The following CCDC50 variants were observed in gnomAD, a reference collection of about 807,000 sequenced individuals.
CCDC50 encodes coiled-coil domain containing 50.
CCDC50 carries 54 observed loss-of-function variants against 70.2 expected under a neutral mutation model. The observed-to-expected ratio is 0.77, with a 90% CI of 0.62 to 0.96. CCDC50 has a LOEUF of 0.96. Among genes scored for constraint, CCDC50 ranks in the 50% least tolerant of loss-of-function variants. The pLI, the probability that CCDC50 is intolerant of heterozygous loss-of-function variation, is 0.00. For synonymous variants in CCDC50, 216 were observed against 198.8 expected, an observed-to-expected ratio of 1.09 and a Z score of -0.73; for missense variants, 558 against 578.7, an observed-to-expected ratio of 0.96 and a Z score of 0.37.
chr3:191,366,191 A>G (rs1712682897), intron 4 of CCDC50, among the ~76,000 whole-genome samples: 1 of 152,170 alleles, frequency 6.6e-6, no homozygotes, highest in Non-Finnish European at 1.5e-5. Context: ...AAGAACGTTA[A>G]TGATATTTAT....
At chr3:191,333,344 C>A (rs753867668) in intron 1 of CCDC50, among the ~76,000 whole-genome samples, 1 of 152,112 alleles carries the variant, frequency 6.6e-6, no homozygotes, top group Admixed American at 6.5e-5. Flanking sequence ...AAGTTAATGG[C>A]GTACATCCAG....
chr3:191,336,259 C>T (rs1225635689), intron 1 of CCDC50, among the ~76,000 whole-genome samples: 1 of 151,806 alleles, frequency 6.6e-6, no homozygotes, highest in Non-Finnish European at 1.5e-5. Context: ...ATGGCTGTAC[C>T]ATTTTGTATT....
In CCDC50 at chr3:191,380,966, A is replaced by G. The variant is rs886567173; in HGVS notation, c.1242+34A>G. On this transcript the variant is annotated intron_variant, in intron 9 of 11. Transcript: ENST00000392455. The stretch of plus-strand genomic sequence containing the variant: ...TGTTTTGTTTGTTTTCTAATTAGAA[A>G]TAAAATTAGAAATGAAAAGGGGACT... The G allele has an allele frequency of 9.1e-6, 14 of 1,538,856 alleles. No homozygotes were observed. In the Admixed American group the frequency reaches 2.1e-4, roughly 23 times the overall value.
At chr3:191,358,983 T>C (rs1192845702) in intron 3 of CCDC50, among the ~76,000 whole-genome samples, 2 of 152,232 alleles carry the variant, frequency 1.3e-5, no homozygotes, top group African/African-American at 4.8e-5. Context: ...AATCATTTTG[T>C]TAAGCTTCCC....
Position 191,369,996 on chromosome 3 carries a change from A to AG in CCDC50, c.408_409insG (p.Thr137AspfsTer7). 5 of 1,613,312 alleles carry AG rather than the reference A, an allele frequency of 3.1e-6. No individual in the cohort carries two copies. The highest frequency in any genetic ancestry group is 4.2e-6 in the Non-Finnish European group (5 of 1,179,412). On this transcript the variant is annotated frameshift_variant, in exon 5 of 12. Coordinates refer to ENST00000392455, the MANE Select transcript of CCDC50 (RefSeq NM_178335.3). LOFTEE classifies it high-confidence loss of function. ...AGAAACACTTTCCAGAGTTCCCTGCAACCCGTGCTTATGCAGATAGTTACT... is the reference window on the plus strand; with the variant it reads ...AGAAACACTTTCCAGAGTTCCCTGCAGACCCGTGCTTATGCAGATAGTTACT...
At chr3:191,333,849 AT>A (rs1269896551) in intron 1 of CCDC50, among the ~76,000 whole-genome samples, 1 of 152,172 alleles carries the variant, frequency 6.6e-6, no homozygotes, top group African/African-American at 2.4e-5. Flanking sequence ...CCAGCATTAA[AT>A]TTATAAAAAC....
At chr3:191,339,085 T>G (rs77130330) in intron 1 of CCDC50, among the ~76,000 whole-genome samples, 2,069 of 152,284 alleles carry the variant, frequency 0.014, 57 homozygotes, top group African/African-American at 0.047. Context: ...AAATTCTTGA[T>G]ATAAGGGGAG....
intron 4 of CCDC50, among the ~76,000 whole-genome samples, chr3:191,366,756 G>T (rs915807830): frequency 6.6e-6 from 1 of 151,944 alleles, no homozygotes; most frequent in Non-Finnish European, 1.5e-5. Flanking sequence ...CTATTGAAAG[G>T]TGTGTTTTTT....
Position 191,395,628 on chromosome 3 carries a change from C to T in CCDC50, c.*3868C>T, listed in dbSNP as rs1471885747. The T allele has an allele frequency of 6.6e-6, 1 of 152,106 alleles. No homozygotes were observed. Among genetic ancestry groups the T allele is most frequent in the African/African-American group, 2.4e-5 (1 of 41,438 alleles). The allele number at this position is 152,106 out of a possible 1,614,324, so 9.4% of individuals were successfully genotyped here. On this transcript the variant is annotated 3_prime_UTR_variant, in exon 12 of 12. Coordinates refer to ENST00000392455, the MANE Select transcript of CCDC50 (RefSeq NM_178335.3). ...ACTGATAATAGAATAGAACTTGCAG[C>T]CAAAGGCTTTTTCCCTTTTGAGAAG...
rs3048757 is a variant in CCDC50 at position 191,397,677 on chromosome 3, TGAGAGA to T, written c.*5922_*5927del. 6.6e-6 allele frequency: 1 copy of T among 151,998 alleles called. No homozygotes were observed. Among genetic ancestry groups the T allele is most frequent in the Non-Finnish European group, 1.5e-5 (1 of 68,020 alleles). The allele number at this position is 151,998 out of a possible 1,614,324, so 9.4% of individuals were successfully genotyped here. ...CTCATAATTTAGAAACGTGATCTCT[TGAGAGA>T]GAGACTACGCATTGCCTGGGCACTT... On this transcript the variant is annotated 3_prime_UTR_variant, in exon 12 of 12. Transcript: ENST00000392455.
chr3:191,396,739 C>T lies in CCDC50; in HGVS notation c.*4979C>T, dbSNP rs1283016173. On this transcript the variant is annotated 3_prime_UTR_variant, in exon 12 of 12. Coordinates refer to ENST00000392455, the MANE Select transcript of CCDC50 (RefSeq NM_178335.3). ...TGTGAAGAGTGTTTCTGTTTTATTA[C>T]TTATAAGAGAAAAGCAGGAAAACTT... is the stretch of plus-strand genomic sequence containing the variant. The T allele has an allele frequency of 1.3e-5, 2 of 152,116 alleles. No homozygotes were observed. The highest frequency in any genetic ancestry group is 2.9e-5 in the Non-Finnish European group (2 of 68,004). 9.4% of individuals were successfully genotyped at this position (152,116 alleles called of 1,614,324 possible).
rs1712094627 is a variant in CCDC50, at chr3:191,351,155, A to G, written c.50-5933A>G. 2.8e-5 allele frequency among the ~76,000 whole-genome samples: 4 copies of G among 142,488 alleles called. No homozygotes were observed. The South Asian group carries it at 8.8e-4, about 31-fold the overall frequency. The allele number at this position is 142,488 out of a possible 152,430, so 93.5% of individuals were successfully genotyped here. A position where few individuals can be genotyped will look rare whatever the true frequency, so the allele number is the denominator to read the frequency against. On this transcript the variant is annotated intron_variant, in intron 1 of 11. Coordinates refer to ENST00000392455, the MANE Select transcript of CCDC50 (RefSeq NM_178335.3). ...TTTTGTTTCTGAGTGAGAAGGAGAG[A>G]AACTTGCTGTAAATGAGCTTTTTAA...
intron 1 of CCDC50, among the ~76,000 whole-genome samples, chr3:191,331,274 T>C (rs1017780938): frequency 1.3e-5 from 2 of 152,214 alleles, no homozygotes; most frequent in Admixed American, 6.5e-5. Context: ...GCTATGATTT[T>C]ATCCAATCCC....
At position 191,358,054 on chromosome 3, in the gene CCDC50, C is replaced by T. The variant is rs779599511; in HGVS notation, c.169C>T (p.Gln57Ter). ...GAACCGTTTGGTCCAGCATGATCTCCAGGTGGCTAAGCAGCTCCAAGAGGA... is the reference window on the plus strand; with the variant it reads ...GAACCGTTTGGTCCAGCATGATCTCTAGGTGGCTAAGCAGCTCCAAGAGGA... The part of the protein sequence containing the change: ...QRNRLVQHDL[Q>*]VAKQLQEEDL... Residue 57 changes from glutamine to a stop codon, truncating the protein, a stop_gained, in exon 3 of 12, where the codon CAG (glutamine) becomes TAG (stop). Coordinates refer to ENST00000392455, the MANE Select transcript of CCDC50 (RefSeq NM_178335.3). LOFTEE classifies it high-confidence loss of function. The T allele has an allele frequency of 6.2e-7, 1 of 1,614,046 alleles. No individual in the cohort carries two copies. The highest frequency in any genetic ancestry group is 8.5e-7 in the Non-Finnish European group (1 of 1,179,922).
chr3:191,389,718 C>A (rs1323567036), intron 11 of CCDC50, 116 bp downstream of exon 11: 1 of 797,094 alleles, frequency 1.3e-6, no homozygotes. Flanking sequence ...GTTATTCTGT[C>A]AGCACATTGT....
At chr3:191,344,406 G>A (rs945392597) in intron 1 of CCDC50, among the ~76,000 whole-genome samples, 3 of 152,136 alleles carry the variant, frequency 2.0e-5, no homozygotes, top group Non-Finnish European at 4.4e-5. Context: ...GTGAAACTGA[G>A]GAGATCTGAA....
chr3:191,380,942 G>C lies in CCDC50; in HGVS notation c.1242+10G>C, dbSNP rs211043. 7 of 1,602,442 alleles carry C rather than the reference G, an allele frequency of 4.4e-6. No homozygotes were observed. The South Asian group carries it at 6.7e-5, about 15-fold the overall frequency. On this transcript the variant is annotated intron_variant, in intron 9 of 11. Coordinates refer to ENST00000392455, the MANE Select transcript of CCDC50 (RefSeq NM_178335.3). ...AGACCCCGAGTGGAAGGTAGAGTGT[G>C]TTTTGTTTGTTTTCTAATTAGAAAT...
intron 5 of CCDC50, among the ~76,000 whole-genome samples, chr3:191,374,665 A>G (rs550491778): frequency 2.0e-5 from 3 of 152,148 alleles, no homozygotes; most frequent in Non-Finnish European, 4.4e-5. Context: ...ACAAAGCTTA[A>G]TTTTTTTGTT....
intron 1 of CCDC50, among the ~76,000 whole-genome samples, chr3:191,354,811 A>G (rs1197510472): frequency 6.6e-6 from 1 of 152,182 alleles, no homozygotes; most frequent in Non-Finnish European, 1.5e-5. Flanking sequence ...AAATCTATGG[A>G]TACTTCAGCC....
Sources: gnomAD v4.1 joint callset for allele counts (sites outside exome capture counted in the v4.1 genomes callset) on GRCh38, gnomAD v4.1.1 for gene constraint, MANE v1.5 for transcripts, NCBI Gene and HGNC (gene_info 2026-07-23, HGNC 2026-07-21) for gene names.